The following SERTM1 variants were observed in gnomAD, a reference collection of about 807,000 sequenced individuals.
SERTM1 encodes the protein serine-rich and transmembrane domain-containing protein 1.
SERTM1 carries 1 observed loss-of-function variant against 5.5 expected under a neutral mutation model. The ratio of observed to expected loss-of-function variants is 0.18; its 90% CI spans 0.06 to 0.86. The LOEUF (loss-of-function observed/expected upper bound fraction) is 0.86. Ranked by LOEUF, SERTM1 falls within the 40% of genes least tolerant of loss-of-function variation. The pLI is 0.69. For missense variants in SERTM1, 91 were observed against 122.4 expected (o/e 0.74, Z 1.21); for synonymous variants, 52 against 55.1 (o/e 0.94, Z 0.25).
rs74045373 is a variant in SERTM1 at position 36,685,900 on chromosome 13, G to T, written c.-173-9006G>T. Reference sequence around the variant, plus strand: ...TTGAACCTGGACCACGCTGGCTCTTGTGGGTTCTCCCTGATCTTCTCACAG... The same window carrying T: ...TTGAACCTGGACCACGCTGGCTCTTTTGGGTTCTCCCTGATCTTCTCACAG... On this transcript the variant is annotated intron_variant, in intron 1 of 1. Coordinates refer to ENST00000315190, the MANE Select transcript of SERTM1 (RefSeq NM_203451.3). Among the ~76,000 whole-genome samples the T allele has an allele frequency of 3.5e-3, 524 of 150,782 alleles. 3 individuals are homozygous for T. Among genetic ancestry groups the T allele is most frequent in the African/African-American group, 0.012 (471 of 40,108 alleles).
In SERTM1 at chr13:36,694,857, T is replaced by C. The variant is rs2056802334; in HGVS notation, c.-173-49T>C. 3 of 529,944 alleles carry C rather than the reference T, an allele frequency of 5.7e-6. No individual in the cohort carries two copies. In the South Asian group the frequency reaches 9.0e-5, roughly 16 times the overall value. The allele number at this position is 529,944 out of a possible 1,614,324, so 32.8% of individuals were successfully genotyped here. On this transcript the variant is annotated intron_variant, in intron 1 of 1. Transcript: ENST00000315190. ...CTGAAATAAAACCTAAAAATGGAAT[T>C]TAAATGTGATTTTTCTGAAGAATGC...
intron 1 of SERTM1, among the ~76,000 whole-genome samples, chr13:36,678,355 CAGT>C (rs1218331324): frequency 1.3e-5 from 2 of 151,930 alleles, no homozygotes; most frequent in Non-Finnish European, 2.9e-5. Context: ...ATAGTAGTAG[CAGT>C]AGTAGTTGTT....
intron 1 of SERTM1, among the ~76,000 whole-genome samples, chr13:36,678,153 A>C (rs1292112953): frequency 6.6e-6 from 1 of 152,194 alleles, no homozygotes; most frequent in Non-Finnish European, 1.5e-5. Flanking sequence ...TTTCTTAATG[A>C]AAATACCTTT....
At chr13:36,692,884 C>T (rs74858036) in intron 1 of SERTM1, among the ~76,000 whole-genome samples, 2,206 of 152,274 alleles carry the variant, frequency 0.014, 58 homozygotes, top group African/African-American at 0.051. Context: ...CTGAGTAAAT[C>T]GCGATGTTTT....
At chr13:36,681,778 G>C (rs1186210908) in intron 1 of SERTM1, among the ~76,000 whole-genome samples, 1 of 152,106 alleles carries the variant, frequency 6.6e-6, no homozygotes, top group Non-Finnish European at 1.5e-5. Context: ...GTCTCACTAT[G>C]GTAAACTCTC....
rs535066788 is a variant in SERTM1 at position 36,679,665 on chromosome 13, C to T, written c.-174+5481C>T. On this transcript the variant is annotated intron_variant, in intron 1 of 1. Transcript: ENST00000315190. ...CAAGTGGTCCACCCGCCTTGGCCTCCCAAAGTGCTGGGATTACAGGTGTGA... is the reference window on the plus strand; with the variant it reads ...CAAGTGGTCCACCCGCCTTGGCCTCTCAAAGTGCTGGGATTACAGGTGTGA... Among the ~76,000 whole-genome samples, 26 of 152,248 alleles carry T rather than the reference C, an allele frequency of 1.7e-4. No individual in the cohort carries two copies. In the East Asian group the frequency reaches 4.8e-3, roughly 28 times the overall value.
chr13:36,686,638 A>G (rs1396877754), intron 1 of SERTM1, among the ~76,000 whole-genome samples: 1 of 152,208 alleles, frequency 6.6e-6, no homozygotes, highest in East Asian at 1.9e-4. Flanking sequence ...CTTTATGGCT[A>G]GATACTTCAA....
Position 36,684,382 on chromosome 13 carries a change from G to A in SERTM1, c.-174+10198G>A, listed in dbSNP as rs542728063. ...ACTAACTGACTTAATGAGTTGTGGC[G>A]ATTAAAGAAAACACACATACATATA... On this transcript the variant is annotated intron_variant, in intron 1 of 1. Transcript: ENST00000315190. Among the ~76,000 whole-genome samples the A allele has an allele frequency of 4.6e-5, 7 of 152,218 alleles. No individual in the cohort carries two copies. The South Asian group carries it at 8.3e-4, about 18-fold the overall frequency.
At chr13:36,678,862 A>T (rs1376651489) in intron 1 of SERTM1, among the ~76,000 whole-genome samples, 2 of 151,792 alleles carry the variant, frequency 1.3e-5, no homozygotes, top group African/African-American at 2.4e-5. Context: ...TTTTTTCTCC[A>T]TTGGATAAAT....
rs2056816053 is a variant in SERTM1 at position 36,696,633 on chromosome 13, G to A, written c.*1231G>A. 1 of 166,824 alleles carries A rather than the reference G, an allele frequency of 6.0e-6. No homozygotes were observed. The highest frequency in any genetic ancestry group is 2.4e-5 in the African/African-American group (1 of 41,428). 10.3% of individuals were successfully genotyped at this position (166,824 alleles called of 1,614,324 possible). On this transcript the variant is annotated 3_prime_UTR_variant, in exon 2 of 2. Transcript: ENST00000315190. ...CGGGCGGGTGGCAGGGGCTGTCTGT[G>A]AAATTAGGCACACATGTGAGCTCAG... is the stretch of plus-strand genomic sequence containing the variant.
intron 1 of SERTM1, among the ~76,000 whole-genome samples, chr13:36,694,561 G>A (rs1381037221): frequency 6.6e-6 from 1 of 152,184 alleles, no homozygotes; most frequent in African/African-American, 2.4e-5. Flanking sequence ...GGGGGAGGGA[G>A]GTTTGGAACT....
At chr13:36,674,343 C>T (rs2056656640) in intron 1 of SERTM1, among the ~76,000 whole-genome samples, 159 bp downstream of exon 1, 1 of 152,032 alleles carries the variant, frequency 6.6e-6, no homozygotes, top group South Asian at 2.1e-4. Context: ...TGGCTCCTTT[C>T]TGAGAAACAC....
intron 1 of SERTM1, among the ~76,000 whole-genome samples, chr13:36,691,809 T>A (rs1169476162): frequency 7.9e-5 from 12 of 152,176 alleles, no homozygotes; most frequent in African/African-American, 2.9e-4. Context: ...ACACACTCAT[T>A]TGATTTCATT....
intron 1 of SERTM1, among the ~76,000 whole-genome samples, chr13:36,683,533 C>T (rs970550011): frequency 6.6e-6 from 1 of 152,056 alleles, no homozygotes; most frequent in African/African-American, 2.4e-5. Context: ...CTTAAAACAA[C>T]AAAAGTTTAT....
chr13:36,686,449 A>G (rs2056741886), intron 1 of SERTM1, among the ~76,000 whole-genome samples: 1 of 152,228 alleles, frequency 6.6e-6, no homozygotes, highest in South Asian at 2.1e-4. Flanking sequence ...AATTTCTAAA[A>G]CTGTTGAAAA....
chr13:36,683,918 T>C (rs1167255711), intron 1 of SERTM1, among the ~76,000 whole-genome samples: 1 of 152,230 alleles, frequency 6.6e-6, no homozygotes, highest in Admixed American at 6.5e-5. Context: ...AGGAATGGAA[T>C]GAACATACAA....
intron 1 of SERTM1, among the ~76,000 whole-genome samples, chr13:36,691,238 G>A (rs190852765): frequency 3.3e-4 from 51 of 152,288 alleles, no homozygotes; most frequent in African/African-American, 1.1e-3. Context: ...ATGAAGGTAC[G>A]TGCTAGAGAG....
At chr13:36,677,975 A>C (rs1214775973) in intron 1 of SERTM1, among the ~76,000 whole-genome samples, 1 of 152,176 alleles carries the variant, frequency 6.6e-6, no homozygotes, top group East Asian at 1.9e-4. Flanking sequence ...CTGAGAGTCA[A>C]ACTTTGAAAA....
chr13:36,691,906 C>T (rs2056780928), intron 1 of SERTM1, among the ~76,000 whole-genome samples: 1 of 152,146 alleles, frequency 6.6e-6, no homozygotes, highest in Admixed American at 6.5e-5. Context: ...TATACAGCTA[C>T]TGTTAAATAA....
Sources: gnomAD v4.1 joint callset for allele counts (sites outside exome capture counted in the v4.1 genomes callset) on GRCh38, gnomAD v4.1.1 for gene constraint, MANE v1.5 for transcripts, NCBI Gene and HGNC (gene_info 2026-07-23, HGNC 2026-07-21) for gene names.